The following COLQ variants were observed in gnomAD, a reference collection of about 807,000 sequenced individuals.
COLQ encodes the protein collagen like tail subunit of asymmetric acetylcholinesterase.
Under a neutral mutation model 69.0 loss-of-function variants are expected in COLQ, and 48 were observed. The ratio of observed to expected loss-of-function variants is 0.70; its 90% confidence interval spans 0.55 to 0.88. The LOEUF is 0.88. Among genes scored for constraint, COLQ ranks in the 40% least tolerant of loss-of-function variants. The pLI is 0.00. For missense variants in COLQ, 618 were observed against 594.6 expected (o/e 1.04, Z -0.41); for synonymous variants, 217 against 211.2 (o/e 1.03, Z -0.24).
At position 15,486,407 on chromosome 3, in the gene COLQ, C is replaced by A. The variant is rs114974418; in HGVS notation, c.321+1799G>T. Among the ~76,000 whole-genome samples the A allele has an allele frequency of 1.8e-3, 276 of 152,314 alleles. 2 individuals are homozygous for A. Among genetic ancestry groups the A allele is most frequent in the African/African-American group, 6.4e-3 (268 of 41,554 alleles). On this transcript the variant is annotated intron_variant, in intron 3 of 16. Coordinates refer to ENST00000383788, the MANE Select transcript of COLQ (RefSeq NM_005677.4). ...ACCTCACTTTGAGTAGGGACAGCAT[C>A]CACATTGTGTTCTAAGGACATGAAG...
intron 12 of COLQ, among the ~76,000 whole-genome samples, chr3:15,462,120 C>T (rs963567461): frequency 2.6e-4 from 40 of 152,088 alleles, no homozygotes; most frequent in African/African-American, 9.4e-4. Flanking sequence ...CCTCCGCCTC[C>T]CGGGTTCAAG....
In COLQ at chr3:15,521,680, G is replaced by A. The variant is rs911679061; in HGVS notation, c.-55C>T. 1.4e-5 allele frequency: 22 copies of A among 1,607,890 alleles called. No individual in the cohort carries two copies. The highest frequency in any genetic ancestry group is 1.9e-5 in the Non-Finnish European group (22 of 1,177,526). ...AGAAAGGAGGCTGCTGCGGAGCCTT[G>A]CTTATCTCTGCTTTTCTCTTCCTCA... On this transcript the variant is annotated 5_prime_UTR_variant, in exon 1 of 17. Transcript: ENST00000383788.
intron 3 of COLQ, among the ~76,000 whole-genome samples, chr3:15,483,523 T>C (rs1243906789): frequency 6.6e-6 from 1 of 152,234 alleles, no homozygotes; most frequent in East Asian, 1.9e-4. Flanking sequence ...TTGAGTGGTT[T>C]TGAGTGAGTT....
intron 1 of COLQ, among the ~76,000 whole-genome samples, chr3:15,518,704 A>G (rs1266160129): frequency 6.6e-6 from 1 of 152,192 alleles, no homozygotes; most frequent in Non-Finnish European, 1.5e-5. Flanking sequence ...TTACAGGCCC[A>G]TGAGAGCTCT....
At chr3:15,506,948 A>ATTTCT (rs1281061650) in intron 1 of COLQ, 1 of 152,162 alleles carries the variant, frequency 6.6e-6, no homozygotes, top group Non-Finnish European at 1.5e-5. Flanking sequence ...ACTACATAAA[A>ATTTCT]TGCATGCACA....
rs187788098 is a variant in COLQ, at chr3:15,478,840, G to C, written c.393+137C>G. On this transcript the variant is annotated intron_variant, in intron 5 of 16. Coordinates refer to ENST00000383788, the MANE Select transcript of COLQ (RefSeq NM_005677.4). ...GCAAGGTTACTACTGTCACCATCGA[G>C]ACAGCAGCACCATCACTGTCCACCT... 520 of 1,042,534 alleles carry C rather than the reference G, an allele frequency of 5.0e-4. 1 individual carries two copies. The highest frequency in any genetic ancestry group is 1.9e-3 in the Admixed American group (104 of 55,644). The allele number at this position is 1,042,534 out of a possible 1,614,324, so 64.6% of individuals were successfully genotyped here. A position where few individuals can be genotyped will look rare whatever the true frequency, so the allele number is the denominator to read the frequency against.
chr3:15,508,603 G>A (rs1304697507), intron 1 of COLQ, among the ~76,000 whole-genome samples: 3 of 152,126 alleles, frequency 2.0e-5, no homozygotes, highest in Admixed American at 1.3e-4. Context: ...GGAAAGCCAG[G>A]TTTGATAAGT....
chr3:15,457,541 A>AT (rs201883167), intron 13 of COLQ, among the ~76,000 whole-genome samples: 1,983 of 152,228 alleles, frequency 0.013, 38 homozygotes, highest in African/African-American at 0.044. Flanking sequence ...TGTATTTGAA[A>AT]TTTTCCCTAA....
intron 11 of COLQ, among the ~76,000 whole-genome samples, chr3:15,468,218 C>T (rs1311311308): frequency 6.6e-6 from 1 of 151,780 alleles, no homozygotes; most frequent in Admixed American, 6.6e-5. Context: ...TCTCTATCAG[C>T]AGGACTCACT....
intron 12 of COLQ, among the ~76,000 whole-genome samples, chr3:15,465,671 G>A (rs2062189648): frequency 8.1e-6 from 1 of 123,364 alleles, no homozygotes; most frequent in South Asian, 2.5e-4. Context: ...TCAGCTCACT[G>A]CAACCTCCGC....
At chr3:15,467,983 C>A in intron 11 of COLQ, 1 of 456,646 alleles carries the variant, frequency 2.2e-6, no homozygotes, top group South Asian at 1.5e-5. Context: ...AAGCCTCAGC[C>A]TAGCTGAAGC....
intron 3 of COLQ, among the ~76,000 whole-genome samples, chr3:15,480,371 C>A (rs1559521541): frequency 6.6e-6 from 1 of 151,774 alleles, no homozygotes; most frequent in Non-Finnish European, 1.5e-5. Context: ...GTGATGTTCC[C>A]CACCCTGTGT....
At chr3:15,505,501 A>G (rs1201217517) in intron 1 of COLQ, among the ~76,000 whole-genome samples, 1 of 152,206 alleles carries the variant, frequency 6.6e-6, no homozygotes, top group African/African-American at 2.4e-5. Context: ...CTGCTTTTTG[A>G]GTTCAAGTTC....
In COLQ at chr3:15,465,557, C is replaced by T. The variant is rs190005644; in HGVS notation, c.814+784G>A. Among the ~76,000 whole-genome samples the T allele has an allele frequency of 4.5e-3, 664 of 148,004 alleles. 7 individuals carry two copies. The highest frequency in any genetic ancestry group is 0.015 in the African/African-American group (611 of 40,236). Reference sequence around the variant, plus strand: ...CTGGGATTACAGGCGTGACCCACCGCGCCCAGCCAACTTTTTATTTTTTTA... The same window carrying T: ...CTGGGATTACAGGCGTGACCCACCGTGCCCAGCCAACTTTTTATTTTTTTA... On this transcript the variant is annotated intron_variant, in intron 12 of 16. Transcript: ENST00000383788.
chr3:15,474,102 C>A, intron 9 of COLQ, 67 bp from the exon 10 acceptor site: 1 of 1,610,362 alleles, frequency 6.2e-7, no homozygotes, highest in Non-Finnish European at 8.5e-7. Flanking sequence ...TGTGGACAGG[C>A]TTTGTTGGTC....
chr3:15,455,744 C>A lies in COLQ; in HGVS notation c.1195+155G>T. The A allele has an allele frequency of 4.5e-6, 4 of 898,748 alleles. No homozygotes were observed. In the South Asian group the frequency reaches 5.7e-5, roughly 13 times the overall value. 55.7% of individuals were successfully genotyped at this position (898,748 alleles called of 1,614,324 possible). On this transcript the variant is annotated intron_variant, in intron 15 of 16. Coordinates refer to ENST00000383788, the MANE Select transcript of COLQ (RefSeq NM_005677.4). ...AATATTTGGGCTGAAACTGGGGCAGCAGGGACTGGGGTGGGTGGCACAAGG... is the reference window on the plus strand; with the variant it reads ...AATATTTGGGCTGAAACTGGGGCAGAAGGGACTGGGGTGGGTGGCACAAGG...
At chr3:15,480,351 G>A (rs1390074919) in intron 3 of COLQ, among the ~76,000 whole-genome samples, 1 of 150,500 alleles carries the variant, frequency 6.6e-6, no homozygotes, top group Non-Finnish European at 1.5e-5. Context: ...CCCACGACAG[G>A]CCCTGGTATG....
chr3:15,456,116 G>T (rs1575461954), intron 14 of COLQ, 97 bp from the exon 15 acceptor site: 2 of 1,412,844 alleles, frequency 1.4e-6, no homozygotes, highest in Non-Finnish European at 9.9e-7. Flanking sequence ...CACTGCTGGG[G>T]GGCATGCCTT....
chr3:15,496,644 G>A (rs1204107613), intron 1 of COLQ, among the ~76,000 whole-genome samples: 3 of 152,212 alleles, frequency 2.0e-5, no homozygotes, highest in Non-Finnish European at 2.9e-5. Flanking sequence ...CAACCATCAC[G>A]GAACTTCAGG....
Sources: allele counts gnomAD v4.1 joint callset (sites outside exome capture counted in the v4.1 genomes callset), GRCh38; gene constraint gnomAD v4.1.1; transcripts MANE v1.5; gene names NCBI Gene and HGNC (gene_info 2026-07-23, HGNC 2026-07-21).